SH3RF3: variants seen among roughly 807,000 people sequenced by gnomAD.
SH3RF3 encodes SH3 domain containing ring finger 3.
In SH3RF3, 29 loss-of-function variants were observed where a neutral mutation model predicts 66.3. The observed-to-expected ratio is 0.44, with a 90% CI of 0.33 to 0.60. The LOEUF (loss-of-function observed/expected upper bound fraction) is 0.60. SH3RF3 is among the 20% of genes least tolerant of loss of function. SH3RF3 has a pLI of 0.04. For missense variants in SH3RF3, 1,194 were observed against 1,190.9 expected (o/e 1.00, Z -0.04); for synonymous variants, 583 against 532.0 (o/e 1.10, Z -1.32).
At position 109,156,485 on chromosome 2, in the gene SH3RF3, G is replaced by A. The variant is rs145280194; in HGVS notation, c.573+26372G>A. Among the ~76,000 whole-genome samples, 343 of 150,320 alleles carry A rather than the reference G, an allele frequency of 2.3e-3. 3 individuals carry two copies. The highest frequency in any genetic ancestry group is 3.2e-3 in the Non-Finnish European group (214 of 67,648). ...TTTGAGATGAAGTTTTGCTCTTGTT[G>A]TCCAGGCTGGAGTGCAGTGGTGCAA... On this transcript the variant is annotated intron_variant, in intron 1 of 9. Transcript: ENST00000309415.
chr2:109,319,682 C>T (rs905483572), intron 1 of SH3RF3, among the ~76,000 whole-genome samples: 1 of 152,202 alleles, frequency 6.6e-6, no homozygotes, highest in Non-Finnish European at 1.5e-5. Context: ...TTAAAGTGTG[C>T]GATCTTGAAG....
chr2:109,309,236 G>T (rs1681670705), intron 1 of SH3RF3, among the ~76,000 whole-genome samples: 1 of 143,764 alleles, frequency 7.0e-6, no homozygotes, highest in Non-Finnish European at 1.5e-5. Flanking sequence ...GTCTGTTGTT[G>T]GTGTATAAGA....
intron 1 of SH3RF3, among the ~76,000 whole-genome samples, chr2:109,316,808 C>T (rs72627479): frequency 0.31 from 47,808 of 152,076 alleles, 9,365 homozygotes; most frequent in African/African-American, 0.56. Flanking sequence ...TCTGGTTATC[C>T]CTCCCTGGCC....
intron 1 of SH3RF3, among the ~76,000 whole-genome samples, chr2:109,133,183 G>A (rs1676736717): frequency 1.3e-5 from 2 of 152,194 alleles, no homozygotes; most frequent in South Asian, 4.1e-4. Context: ...GGGTTACAAG[G>A]AAGGACATTG....
At chr2:109,311,528 A>C (rs1237193730) in intron 1 of SH3RF3, among the ~76,000 whole-genome samples, 1 of 151,680 alleles carries the variant, frequency 6.6e-6, no homozygotes, top group Non-Finnish European at 1.5e-5. Context: ...AAGGGTATTC[A>C]ATGAGGAAAA....
chr2:109,354,610 C>T (rs1297551186), intron 2 of SH3RF3, among the ~76,000 whole-genome samples: 1 of 152,234 alleles, frequency 6.6e-6, no homozygotes, highest in Non-Finnish European at 1.5e-5. Context: ...CTCCCAAATG[C>T]CTGATATGTG....
chr2:109,238,238 C>CT lies in SH3RF3; in HGVS notation c.573+108126dup, dbSNP rs569398603. Among the ~76,000 whole-genome samples, 124 of 152,068 alleles carry CT rather than the reference C, an allele frequency of 8.2e-4. 1 individual carries two copies. Among genetic ancestry groups the CT allele is most frequent in the African/African-American group, 3.0e-3 (123 of 41,476 alleles). On this transcript the variant is annotated intron_variant, in intron 1 of 9. Transcript: ENST00000309415. The stretch of plus-strand genomic sequence containing the variant: ...TAAAATAAAATGGTTTTTATGAAGA[C>CT]TAATTCAATAGAAAAGTGTTGGCTC...
rs753943045 is a variant in SH3RF3, at chr2:109,129,539, C to T, written c.-2C>T. The T allele has an allele frequency of 1.5e-5, 22 of 1,496,580 alleles. No homozygotes were observed. Among genetic ancestry groups the T allele is most frequent in the Non-Finnish European group, 1.9e-5 (21 of 1,130,024 alleles). 92.7% of individuals were successfully genotyped at this position (1,496,580 alleles called of 1,614,324 possible). On this transcript the variant is annotated 5_prime_UTR_variant, in exon 1 of 10. Transcript: ENST00000309415. ...CGCGAGACCGCTGCGGGCGCCTCCC[C>T]CATGCTGCTCGGAGCGTCCTGGCTG... is the stretch of plus-strand genomic sequence containing the variant.
At chr2:109,182,877 A>G (rs1312544307) in intron 1 of SH3RF3, among the ~76,000 whole-genome samples, 1 of 152,248 alleles carries the variant, frequency 6.6e-6, no homozygotes, top group Non-Finnish European at 1.5e-5. Flanking sequence ...ATTGCCATAT[A>G]AAATTATACT....
chr2:109,137,509 T>C (rs1475829390), intron 1 of SH3RF3, among the ~76,000 whole-genome samples: 1 of 152,126 alleles, frequency 6.6e-6, no homozygotes, highest in East Asian at 1.9e-4. Context: ...AGGTCAGGAG[T>C]GTCCAGCACG....
In SH3RF3 at chr2:109,129,458, C is replaced by T. The variant is rs554983377; in HGVS notation, c.-83C>T. ...TCACGGCGGAGCCCGGCTCCCCAGTCCTGATGCTGGCTGCCGGTGGCGGGC... is the reference window on the plus strand; with the variant it reads ...TCACGGCGGAGCCCGGCTCCCCAGTTCTGATGCTGGCTGCCGGTGGCGGGC... On this transcript the variant is annotated 5_prime_UTR_variant, in exon 1 of 10. Transcript: ENST00000309415. 2.0e-6 allele frequency: 3 copies of T among 1,495,212 alleles called. No individual in the cohort carries two copies. The highest frequency in any genetic ancestry group is 4.2e-5 in the Admixed American group (2 of 48,124). 92.6% of individuals were successfully genotyped at this position (1,495,212 alleles called of 1,614,324 possible). A position where few individuals can be genotyped will look rare whatever the true frequency, so the allele number is the denominator to read the frequency against.
intron 1 of SH3RF3, among the ~76,000 whole-genome samples, chr2:109,265,653 A>C (rs905063706): frequency 4.6e-5 from 7 of 152,242 alleles, no homozygotes; most frequent in African/African-American, 1.7e-4. Context: ...GCTGAAACAG[A>C]ATGTGTCTTT....
intron 1 of SH3RF3, among the ~76,000 whole-genome samples, chr2:109,156,485 G>T (rs145280194): frequency 2.0e-5 from 3 of 150,214 alleles, no homozygotes; most frequent in Admixed American, 6.6e-5. Flanking sequence ...TGCTCTTGTT[G>T]TCCAGGCTGG....
At chr2:109,293,473 G>A (rs1681234744) in intron 1 of SH3RF3, among the ~76,000 whole-genome samples, 1 of 152,126 alleles carries the variant, frequency 6.6e-6, no homozygotes, top group Non-Finnish European at 1.5e-5. Context: ...GCCCTACCCT[G>A]CCCCCTTCTC....
chr2:109,385,018 C>T (rs1048013212), intron 3 of SH3RF3, among the ~76,000 whole-genome samples: 3 of 152,258 alleles, frequency 2.0e-5, no homozygotes, highest in Non-Finnish European at 4.4e-5. Context: ...CCCAGCCTCA[C>T]ACCCTCCCTG....
At chr2:109,319,341 G>T (rs1180868069) in intron 1 of SH3RF3, among the ~76,000 whole-genome samples, 1 of 152,204 alleles carries the variant, frequency 6.6e-6, no homozygotes, top group Non-Finnish European at 1.5e-5. Context: ...CAGGTTAGTT[G>T]ACTGCAAAGA....
At chr2:109,325,331 C>CTTTTTTTTTTTTTTTTTTTTTTTTTT (rs11298946) in intron 1 of SH3RF3, among the ~76,000 whole-genome samples, 1 of 66,256 alleles carries the variant, frequency 1.5e-5, no homozygotes, top group Non-Finnish European at 2.7e-5. Context: ...TTCTTTCTTT[C>CTTTTTTTTTTTTTTTTTTTTTTTTTT]TTTTTTTTTT....
At chr2:109,222,824 A>G (rs536684921) in intron 1 of SH3RF3, among the ~76,000 whole-genome samples, 1 of 152,310 alleles carries the variant, frequency 6.6e-6, no homozygotes, top group Admixed American at 6.5e-5. Context: ...AATAAAGCAC[A>G]TTTTCCAGTT....
At chr2:109,275,724 C>T (rs550237789) in intron 1 of SH3RF3, among the ~76,000 whole-genome samples, 36 of 152,276 alleles carry the variant, frequency 2.4e-4, no homozygotes, top group African/African-American at 6.5e-4. Context: ...CGCTGTTTGC[C>T]GGGTACCCTT....
Sources: allele counts gnomAD v4.1 joint callset (sites outside exome capture counted in the v4.1 genomes callset), GRCh38; gene constraint gnomAD v4.1.1; transcripts MANE v1.5; gene names NCBI Gene and HGNC (gene_info 2026-07-23, HGNC 2026-07-21).